The following NR5A2 variants were observed in gnomAD, a reference collection of about 807,000 sequenced individuals.
NR5A2 encodes the protein nuclear receptor subfamily 5 group A member 2.
In NR5A2, 26 loss-of-function variants were observed where a neutral mutation model predicts 62.7. That is an observed-to-expected ratio of 0.41 (90% confidence interval 0.30 to 0.58). The LOEUF (loss-of-function observed/expected upper bound fraction) is 0.58, where lower values mean the gene tolerates loss of function less well. Ranked by LOEUF, NR5A2 falls within the 20% of genes least tolerant of loss-of-function variation. The pLI is 0.22. For missense variants in NR5A2, 541 were observed against 669.1 expected (o/e 0.81, Z 2.11); for synonymous variants, 246 against 241.7 (o/e 1.02, Z -0.16).
chr1:200,042,591 G>A (rs969850485), intron 2 of NR5A2, among the ~76,000 whole-genome samples: 5 of 152,218 alleles, frequency 3.3e-5, no homozygotes, highest in Non-Finnish European at 7.3e-5. Context: ...TCGGCTGCGT[G>A]TTTGTGCGCC....
chr1:200,068,334 A>G (rs2102210456), intron 5 of NR5A2, among the ~76,000 whole-genome samples: 1 of 152,350 alleles, frequency 6.6e-6, no homozygotes, highest in East Asian at 1.9e-4. Flanking sequence ...ATCAGAATCA[A>G]TAACCCTGCT....
chr1:200,133,534 C>CT (rs1667066957), intron 7 of NR5A2, among the ~76,000 whole-genome samples: 3 of 126,898 alleles, frequency 2.4e-5, no homozygotes, highest in African/African-American at 1.0e-4. Context: ...TATACACACA[C>CT]ATATATATAT....
Position 200,048,911 on chromosome 1 carries a change from G to T in NR5A2, c.1110+93G>T. 1 of 1,433,210 alleles carries T rather than the reference G, an allele frequency of 7.0e-7. No homozygotes were observed. Among genetic ancestry groups the T allele is most frequent in the Non-Finnish European group, 9.5e-7 (1 of 1,050,386 alleles). 88.8% of individuals were successfully genotyped at this position (1,433,210 alleles called of 1,614,324 possible). On this transcript the variant is annotated intron_variant, in intron 5 of 7. Transcript: ENST00000367362. The surrounding 1 kb of genome is among the most constrained non-coding windows in gnomAD (Gnocchi z 4.8). ...TACATTCTTGGTGCTGAAAATATGTGTTCCTTAATTTTCTACTTTGTATGA... is the reference window on the plus strand; with the variant it reads ...TACATTCTTGGTGCTGAAAATATGTTTTCCTTAATTTTCTACTTTGTATGA...
At chr1:200,083,020 A>G (rs1319227422) in intron 5 of NR5A2, among the ~76,000 whole-genome samples, 1 of 152,138 alleles carries the variant, frequency 6.6e-6, no homozygotes, top group Non-Finnish European at 1.5e-5. Context: ...AAAAATCATA[A>G]CACTTATCTT....
intron 6 of NR5A2, among the ~76,000 whole-genome samples, chr1:200,119,093 C>T (rs1164725601): frequency 1.3e-5 from 2 of 152,154 alleles, no homozygotes; most frequent in Non-Finnish European, 2.9e-5. Flanking sequence ...TGATTGACAC[C>T]TTTGGGGGTC....
At chr1:200,162,917 A>G (rs989574293) in intron 7 of NR5A2, among the ~76,000 whole-genome samples, 2 of 152,252 alleles carry the variant, frequency 1.3e-5, no homozygotes, top group African/African-American at 4.8e-5. Context: ...CCTGGCTATC[A>G]GGTAGAGACA....
chr1:200,081,251 T>C (rs183787981), intron 5 of NR5A2, among the ~76,000 whole-genome samples: 1 of 152,344 alleles, frequency 6.6e-6, no homozygotes, highest in East Asian at 1.9e-4. Context: ...TGCTTTTCAA[T>C]CACAGAATAA....
chr1:200,088,384 A>G lies in NR5A2; in HGVS notation c.1111-22818A>G, dbSNP rs187601082. 1.3e-4 allele frequency among the ~76,000 whole-genome samples: 20 copies of G among 152,086 alleles called. No individual in the cohort carries two copies. The East Asian group carries it at 3.9e-3, about 29-fold the overall frequency. On this transcript the variant is annotated intron_variant, in intron 5 of 7. Coordinates refer to ENST00000367362, the MANE Select transcript of NR5A2 (RefSeq NM_205860.3). The stretch of plus-strand genomic sequence containing the variant: ...GTGATTCTCCTGCCTCCGCCTCCTG[A>G]GTAGCTGGGATTACAGGCATGTGCC...
At chr1:200,093,390 TA>T (rs1217377881) in intron 5 of NR5A2, among the ~76,000 whole-genome samples, 1 of 152,190 alleles carries the variant, frequency 6.6e-6, no homozygotes, top group Non-Finnish European at 1.5e-5. Context: ...ACATGGGTAC[TA>T]ATTCCTTGAA....
At position 200,060,229 on chromosome 1, in the gene NR5A2, G is replaced by A. The variant is rs538785280; in HGVS notation, c.1110+11411G>A. ...TTCCTTCTAATACCTCAGGAAGCAC[G>A]CTTAGGCATTACCTTGTCCTCAGCT... On this transcript the variant is annotated intron_variant, in intron 5 of 7. Coordinates refer to ENST00000367362, the MANE Select transcript of NR5A2 (RefSeq NM_205860.3). Among the ~76,000 whole-genome samples, 14 of 152,124 alleles carry A rather than the reference G, an allele frequency of 9.2e-5. No homozygotes were observed. In the Middle Eastern group the frequency reaches 0.017, roughly 185 times the overall value.
chr1:200,134,658 C>T (rs1302029203), intron 7 of NR5A2, among the ~76,000 whole-genome samples: 3 of 152,092 alleles, frequency 2.0e-5, no homozygotes, highest in Non-Finnish European at 1.5e-5. Context: ...TGATAGCACA[C>T]CTGAAATAAT....
chr1:200,115,755 G>A (rs576424845), intron 6 of NR5A2, among the ~76,000 whole-genome samples: 1 of 152,106 alleles, frequency 6.6e-6, no homozygotes, highest in Non-Finnish European at 1.5e-5. Flanking sequence ...TTTCAGAGGA[G>A]GAAGTGCAAG....
intron 2 of NR5A2, among the ~76,000 whole-genome samples, chr1:200,040,878 G>T (rs1208382741): frequency 2.0e-5 from 3 of 152,256 alleles, no homozygotes; most frequent in Non-Finnish European, 4.4e-5. Context: ...GAGGGCGTGC[G>T]CCGTGCGGGT....
At chr1:200,154,669 C>T (rs914690365) in intron 7 of NR5A2, among the ~76,000 whole-genome samples, 3 of 152,190 alleles carry the variant, frequency 2.0e-5, no homozygotes, top group Non-Finnish European at 1.5e-5. Context: ...ACCTGGGCAA[C>T]ATAGTGAGAC....
chr1:200,029,154 C>A (rs866700119), intron 1 of NR5A2: 7 of 415,768 alleles, frequency 1.7e-5, no homozygotes, highest in Middle Eastern at 6.7e-4. Context: ...CAGCTCCGCG[C>A]AGCTCCGGTT....
intron 1 of NR5A2, among the ~76,000 whole-genome samples, chr1:200,037,249 C>A (rs1156414158): frequency 1.3e-5 from 2 of 152,200 alleles, no homozygotes; most frequent in Non-Finnish European, 2.9e-5. Context: ...TTTCTTGATA[C>A]ACTACAATTT....
chr1:200,137,821 C>T (rs1667294517), intron 7 of NR5A2, among the ~76,000 whole-genome samples: 1 of 151,988 alleles, frequency 6.6e-6, no homozygotes, highest in Non-Finnish European at 1.5e-5. Context: ...TTACTTGCTA[C>T]AAGAAATTAT....
At chr1:200,172,934 G>A (rs1347081004) in intron 7 of NR5A2, among the ~76,000 whole-genome samples, 1 of 152,146 alleles carries the variant, frequency 6.6e-6, no homozygotes. Context: ...GAGCATGGGT[G>A]TATGTAAACA....
intron 5 of NR5A2, among the ~76,000 whole-genome samples, chr1:200,051,810 C>T (rs967420511): frequency 2.0e-5 from 3 of 152,098 alleles, no homozygotes; most frequent in Admixed American, 6.5e-5. Flanking sequence ...TCATTTGAAG[C>T]CAGGATTGAG....
Sources: allele counts gnomAD v4.1 joint callset (sites outside exome capture counted in the v4.1 genomes callset), GRCh38; gene constraint gnomAD v4.1.1; non-coding constraint Gnocchi (gnomAD v3.1); transcripts MANE v1.5; gene names NCBI Gene and HGNC (gene_info 2026-07-23, HGNC 2026-07-21).